The following ANK3 variants were observed in gnomAD, a reference collection of about 807,000 sequenced individuals.
The protein encoded by ANK3 is ankyrin 3.
ANK3 carries 57 observed loss-of-function variants against 370.9 expected under a neutral mutation model. That is an observed-to-expected ratio of 0.15 (90% confidence interval 0.12 to 0.19). The LOEUF (loss-of-function observed/expected upper bound fraction) is 0.19. Among genes scored for constraint, ANK3 ranks in the 10% least tolerant of loss-of-function variants. The pLI is 1.00. For missense variants in ANK3, 4,439 were observed against 5,302.1 expected (o/e 0.84, Z 5.06); for synonymous variants, 1,929 against 1,946.3 (o/e 0.99, Z 0.23).
At position 60,078,401 on chromosome 10, in the gene ANK3, G is replaced by A. The variant is rs544882884; in HGVS notation, c.4433-1953C>T. Among the ~76,000 whole-genome samples, 306 of 152,270 alleles carry A rather than the reference G, an allele frequency of 2.0e-3. 2 individuals are homozygous for A. Among genetic ancestry groups the A allele is most frequent in the Non-Finnish European group, 3.4e-3 (232 of 68,014 alleles). On this transcript the variant is annotated intron_variant, in intron 36 of 43. Coordinates refer to ENST00000280772, the MANE Select transcript of ANK3 (RefSeq NM_020987.5). The stretch of plus-strand genomic sequence containing the variant: ...TGAACTCTTTTGGAAATGCCACGCT[G>A]CAAATGGAAGGTTTGCAGATTCCTT...
chr10:60,088,055 A>G, intron 29 of ANK3, 92 bp downstream of exon 29: 1 of 999,208 alleles, frequency 1.0e-6, no homozygotes, highest in Non-Finnish European at 1.5e-6. Context: ...TAGCAGTATC[A>G]TTAGGATGTT....
chr10:60,439,337 C>T (rs2064235933), intron 2 of ANK3, among the ~76,000 whole-genome samples: 1 of 151,978 alleles, frequency 6.6e-6, no homozygotes, highest in African/African-American at 2.4e-5. Context: ...GTGGTAGAGA[C>T]TGGCAAAAAC....
In ANK3 at chr10:60,401,785, T is replaced by TA. The variant is rs2063356738; in HGVS notation, c.97-122147dup. Among the ~76,000 whole-genome samples, 6 of 152,324 alleles carry TA rather than the reference T, an allele frequency of 3.9e-5. No individual in the cohort carries two copies. The South Asian group carries it at 1.0e-3, about 26-fold the overall frequency. On this transcript the variant is annotated intron_variant, in intron 2 of 43. Coordinates refer to the ANK3 transcript ENST00000373827. ...CATTTAGATTGCCTCCAATTTTTTT[T>TA]ATGAGAGAAACAATGCTATAAATGG...
intron 42 of ANK3, chr10:60,051,669 T>C (rs1171883137): frequency 1.6e-5 from 7 of 441,134 alleles, no homozygotes; most frequent in African/African-American, 1.1e-4. Context: ...TTCTTCTTTT[T>C]TTTTTTTTTT....
intron 38 of ANK3, among the ~76,000 whole-genome samples, chr10:60,064,919 T>C (rs926034390): frequency 3.9e-4 from 60 of 152,328 alleles, no homozygotes; most frequent in African/African-American, 1.4e-3. Flanking sequence ...ATTGTTTTAA[T>C]TCAGCCAAAT....
At chr10:60,312,197 C>T (rs1312496721) in intron 1 of ANK3, among the ~76,000 whole-genome samples, 2 of 152,196 alleles carry the variant, frequency 1.3e-5, no homozygotes, top group African/African-American at 2.4e-5. Flanking sequence ...AAGAATTCTC[C>T]ATGGGAGCAG....
intron 2 of ANK3, among the ~76,000 whole-genome samples, chr10:60,494,432 AT>A (rs1442797462): frequency 6.6e-6 from 1 of 152,194 alleles, no homozygotes; most frequent in Non-Finnish European, 1.5e-5. Flanking sequence ...ATGCTGATAT[AT>A]AGTTCTATGT....
At chr10:60,499,536 C>T (rs2075744124) in intron 2 of ANK3, among the ~76,000 whole-genome samples, 1 of 152,132 alleles carries the variant, frequency 6.6e-6, no homozygotes, top group Admixed American at 6.5e-5. Context: ...TTCATTTTAC[C>T]ATTTCTGTCC....
chr10:60,434,644 G>A (rs1173116707), intron 2 of ANK3, among the ~76,000 whole-genome samples: 1 of 152,182 alleles, frequency 6.6e-6, no homozygotes, highest in Non-Finnish European at 1.5e-5. Flanking sequence ...AATATTCAGA[G>A]AAAACAACCA....
intron 23 of ANK3, among the ~76,000 whole-genome samples, chr10:60,155,768 C>G (rs1423105511): frequency 1.3e-5 from 2 of 152,192 alleles, no homozygotes; most frequent in Admixed American, 6.5e-5. Flanking sequence ...ACTAGACTGG[C>G]TGAGTCTTCT....
At chr10:60,277,443 A>G (rs1046520147) in intron 4 of ANK3, among the ~76,000 whole-genome samples, 1 of 152,232 alleles carries the variant, frequency 6.6e-6, no homozygotes, top group Non-Finnish European at 1.5e-5. Flanking sequence ...CAGAATGAAC[A>G]AAGACTAAAC....
chr10:60,269,880 G>A (rs559463680), intron 5 of ANK3, among the ~76,000 whole-genome samples: 7 of 152,142 alleles, frequency 4.6e-5, no homozygotes, highest in African/African-American at 1.7e-4. Context: ...AAGCAAATAC[G>A]TTAAATATTA....
chr10:60,365,547 T>A (rs1340215903), intron 1 of ANK3, among the ~76,000 whole-genome samples: 1 of 152,232 alleles, frequency 6.6e-6, no homozygotes, highest in Non-Finnish European at 1.5e-5. Flanking sequence ...GTTTAAGAAA[T>A]ACCTGCTGTT....
At chr10:60,324,272 T>C (rs186174742) in intron 1 of ANK3, among the ~76,000 whole-genome samples, 2 of 152,136 alleles carry the variant, frequency 1.3e-5, no homozygotes, top group African/African-American at 4.8e-5. Flanking sequence ...GAAGACAAAG[T>C]GCAAGTGGAA....
chr10:60,317,931 T>A (rs1374560357), intron 1 of ANK3, among the ~76,000 whole-genome samples: 1 of 152,096 alleles, frequency 6.6e-6, no homozygotes, highest in Non-Finnish European at 1.5e-5. Flanking sequence ...TTAGCCAGGA[T>A]GGTCTCGATC....
At chr10:60,693,027 G>T (rs551206414) in intron 1 of ANK3, among the ~76,000 whole-genome samples, 1 of 152,212 alleles carries the variant, frequency 6.6e-6, no homozygotes, top group Admixed American at 6.5e-5. Flanking sequence ...GACAGTGGGC[G>T]CAGGTCAGTG....
At chr10:60,570,027 T>A (rs957434877) in intron 2 of ANK3, among the ~76,000 whole-genome samples, 1 of 152,178 alleles carries the variant, frequency 6.6e-6, no homozygotes, top group African/African-American at 2.4e-5. Flanking sequence ...TATATATGTA[T>A]ACATATTTTT....
At chr10:60,575,322 T>G (rs2077669934) in intron 2 of ANK3, among the ~76,000 whole-genome samples, 1 of 149,606 alleles carries the variant, frequency 6.7e-6, no homozygotes, top group African/African-American at 2.4e-5. Flanking sequence ...GCTGAAGTGC[T>G]CTCTGCTGGT....
At chr10:60,369,543 TATG>T (rs1490410071) in intron 1 of ANK3, among the ~76,000 whole-genome samples, 1 of 152,220 alleles carries the variant, frequency 6.6e-6, no homozygotes, top group Non-Finnish European at 1.5e-5. Flanking sequence ...TGCCTCATTT[TATG>T]ATAATTGAAT....
Sources: gnomAD v4.1 joint callset for allele counts (sites outside exome capture counted in the v4.1 genomes callset) on GRCh38, gnomAD v4.1.1 for gene constraint, MANE v1.5 for transcripts, NCBI Gene and HGNC (gene_info 2026-07-23, HGNC 2026-07-21) for gene names.